Variants in ZFR observed in about 807,000 individuals in gnomAD.
ZFR encodes the protein zinc finger RNA binding protein.
A neutral mutation model predicts 130.7 loss-of-function variants in ZFR; 19 were observed. The observed-to-expected ratio is 0.15, with a 90% CI of 0.10 to 0.21. The LOEUF is 0.21. Ranked by LOEUF, ZFR falls within the 10% of genes least tolerant of loss-of-function variation. The pLI, the probability that ZFR is intolerant of heterozygous loss-of-function variation, is 1.00. For missense variants in ZFR, 872 were observed against 1,321.5 expected, an observed-to-expected ratio of 0.66 and a Z score of 5.27; for synonymous variants, 466 against 456.9, an observed-to-expected ratio of 1.02 and a Z score of -0.25.
intron 15 of ZFR, among the ~76,000 whole-genome samples, chr5:32,383,188 A>G (rs1334788391): frequency 6.6e-6 from 1 of 152,234 alleles, no homozygotes; most frequent in East Asian, 1.9e-4. Flanking sequence ...CAAAACAGCC[A>G]CACAAAGGAC....
At chr5:32,379,420 C>T in intron 16 of ZFR, 1 of 556,320 alleles carries the variant, frequency 1.8e-6, no homozygotes, top group Non-Finnish European at 3.2e-6. Context: ...TCAAAGTAAA[C>T]AGATTATACA....
intron 2 of ZFR, among the ~76,000 whole-genome samples, chr5:32,427,424 A>G (rs1037211677): frequency 2.0e-5 from 3 of 151,786 alleles, no homozygotes; most frequent in Non-Finnish European, 4.4e-5. Flanking sequence ...AACCTTACGA[A>G]TAAACCTAGC....
At chr5:32,369,066 T>C (rs1752605673) in intron 17 of ZFR, among the ~76,000 whole-genome samples, 1 of 152,200 alleles carries the variant, frequency 6.6e-6, no homozygotes, top group African/African-American at 2.4e-5. Flanking sequence ...TATGAAAGTC[T>C]TAATAAAAAT....
chr5:32,417,638 G>T lies in ZFR; in HGVS notation c.565+10C>A, dbSNP rs1418038844. 4.3e-6 allele frequency: 7 copies of T among 1,611,540 alleles called. No individual in the cohort carries two copies. Among genetic ancestry groups the T allele is most frequent in the Middle Eastern group, 3.3e-4 (2 of 6,078 alleles). On this transcript the variant is annotated intron_variant, in intron 4 of 19. Coordinates refer to ENST00000265069, the MANE Select transcript of ZFR (RefSeq NM_016107.5). Reference sequence around the variant, plus strand: ...TTTACAAAGAAACTCTGTAGGTTAAGAAAACCCACCTGTCTGATAGTAAGT... The same window carrying T: ...TTTACAAAGAAACTCTGTAGGTTAATAAAACCCACCTGTCTGATAGTAAGT...
At chr5:32,437,349 G>T (rs1051998460) in intron 2 of ZFR, among the ~76,000 whole-genome samples, 1 of 151,924 alleles carries the variant, frequency 6.6e-6, no homozygotes, top group African/African-American at 2.4e-5. Flanking sequence ...TTAAATAAGT[G>T]AATTATTCCC....
At chr5:32,444,457 G>C (rs991970026) in intron 1 of ZFR, 129 bp from the exon 2 acceptor site, 36 of 1,290,466 alleles carry the variant, frequency 2.8e-5, no homozygotes, top group South Asian at 2.3e-4. Flanking sequence ...CCCAGGCCGC[G>C]GCCGCGCCGC....
chr5:32,430,866 A>C (rs907230059), intron 2 of ZFR, among the ~76,000 whole-genome samples: 1 of 152,196 alleles, frequency 6.6e-6, no homozygotes, highest in South Asian at 2.1e-4. Flanking sequence ...TCTTGAGTCC[A>C]GGAGTTTGAG....
At chr5:32,379,049 G>A in intron 17 of ZFR, 66 bp downstream of exon 17, 1 of 1,210,604 alleles carries the variant, frequency 8.3e-7, no homozygotes, top group Non-Finnish European at 1.2e-6. Context: ...CATGTAAACT[G>A]AGAGGATAAA....
chr5:32,384,870 A>G (rs1214695530), intron 15 of ZFR, among the ~76,000 whole-genome samples: 4 of 152,162 alleles, frequency 2.6e-5, no homozygotes, highest in Admixed American at 6.5e-5. Context: ...CTCACTATCT[A>G]CATTTACACA....
In ZFR at chr5:32,385,539, T is replaced by C. The variant is rs1440661801; in HGVS notation, c.2610A>G (p.Pro870=). ...KMQVTITLTS[P]IIREENMREG... is the part of the protein sequence containing the mutation. ...CCCTCATGTTCTCTTCTCGAATAATTGGAGATGTCAGTGTGATAGTGACTT... is the reference window on the plus strand; with the variant it reads ...CCCTCATGTTCTCTTCTCGAATAATCGGAGATGTCAGTGTGATAGTGACTT... Residue 870 remains proline, a synonymous_variant, in exon 15 of 20, where the codon CCA becomes CCG. Coordinates refer to ENST00000265069, the MANE Select transcript of ZFR (RefSeq NM_016107.5). 2 of 1,613,386 alleles carry C rather than the reference T, an allele frequency of 1.2e-6. No individual in the cohort carries two copies. The highest frequency in any genetic ancestry group is 1.7e-6 in the Non-Finnish European group (2 of 1,179,478).
intron 2 of ZFR, among the ~76,000 whole-genome samples, chr5:32,426,764 A>G (rs892728539): frequency 1.6e-4 from 24 of 152,136 alleles, no homozygotes; most frequent in Admixed American, 8.5e-4. Flanking sequence ...TTAGCCATAC[A>G]TGCTGGCATG....
intron 13 of ZFR, 32 bp from the exon 14 acceptor site, chr5:32,387,731 T>C: frequency 6.3e-7 from 1 of 1,580,834 alleles, no homozygotes; most frequent in Non-Finnish European, 8.6e-7. Flanking sequence ...TTATGATATT[T>C]CTCTGCTTAA....
Position 32,406,957 on chromosome 5 carries a change from C to T in ZFR, c.849G>A (p.Gln283=), listed in dbSNP as rs1036588074. 9 of 1,595,560 alleles carry T rather than the reference C, an allele frequency of 5.6e-6. No individual in the cohort carries two copies. Among genetic ancestry groups the T allele is most frequent in the Non-Finnish European group, 7.7e-6 (9 of 1,175,372 alleles). ...CTGCTGCCTGCTTCTGTTGCTGCTG[C>T]TGCTGTTGATAGTAGGAAGATGCAG... ...YSAASSYYQQ[Q]QQQQKQAAAA... The change falls in exon 6 of 20, where the codon CAG becomes CAA. Residue 283 remains glutamine (Q), a synonymous_variant. Coordinates refer to ENST00000265069, the MANE Select transcript of ZFR (RefSeq NM_016107.5).
rs139553517 is a variant in ZFR at position 32,443,024 on chromosome 5, TTCTC to T, written c.137+1201_137+1204del. Reference sequence around the variant, plus strand: ...GATCAGCCTGGGCAACATAGGTCCTTTCTCTCTAAGAAAAATTATTTATTCAAAA... The same window carrying T: ...GATCAGCCTGGGCAACATAGGTCCTTTCTAAGAAAAATTATTTATTCAAAA... On this transcript the variant is annotated intron_variant, in intron 2 of 19. Transcript: ENST00000265069. Among the ~76,000 whole-genome samples the T allele has an allele frequency of 5.4e-3, 815 of 152,084 alleles. 11 individuals carry two copies. Among genetic ancestry groups the T allele is most frequent in the African/African-American group, 0.019 (768 of 41,438 alleles).
rs1561850313 is a variant in ZFR, at chr5:32,355,467, A to G, written c.*293T>C. On this transcript the variant is annotated 3_prime_UTR_variant, in exon 20 of 20. Coordinates refer to ENST00000265069, the MANE Select transcript of ZFR (RefSeq NM_016107.5). ...AATAAGACAATGCACTAGTTAATAA[A>G]AGACACAAAAATAGGGGGGGAAGCT... is the stretch of plus-strand genomic sequence containing the variant. 4.8e-6 allele frequency: 1 copy of G among 210,336 alleles called. No individual in the cohort carries two copies. The highest frequency in any genetic ancestry group is 2.3e-5 in the African/African-American group (1 of 43,500). The allele number at this position is 210,336 out of a possible 1,614,324, so 13.0% of individuals were successfully genotyped here. A position where few individuals can be genotyped will look rare whatever the true frequency, so the allele number is the denominator to read the frequency against.
chr5:32,401,511 A>G (rs115059124), intron 8 of ZFR, among the ~76,000 whole-genome samples: 1,813 of 152,322 alleles, frequency 0.012, 33 homozygotes, highest in African/African-American at 0.041. Flanking sequence ...TAGCATGTAC[A>G]TAAAAGCACA....
At chr5:32,365,814 G>C (rs1188977402) in intron 17 of ZFR, among the ~76,000 whole-genome samples, 1 of 152,086 alleles carries the variant, frequency 6.6e-6, no homozygotes, top group African/African-American at 2.4e-5. Flanking sequence ...TGTCCAGGCT[G>C]GTTTTGAACT....
intron 9 of ZFR, among the ~76,000 whole-genome samples, chr5:32,397,580 A>G (rs529076286): frequency 2.0e-5 from 3 of 152,156 alleles, no homozygotes; most frequent in East Asian, 1.9e-4. Flanking sequence ...CAGCCACCCA[A>G]GTAGCTGGGA....
At chr5:32,370,351 G>GAGAGAGAGAGAGAC (rs1240679335) in intron 17 of ZFR, among the ~76,000 whole-genome samples, 1 of 1,666 alleles carries the variant, frequency 6.0e-4, no homozygotes, top group Admixed American at 4.8e-3. Flanking sequence ...GAGAGAGAGA[G>GAGAGAGAGAGAGAC]AGACAGACAG....
Sources: gnomAD v4.1 joint callset for allele counts (sites outside exome capture counted in the v4.1 genomes callset) on GRCh38, gnomAD v4.1.1 for gene constraint, MANE v1.5 for transcripts, NCBI Gene and HGNC (gene_info 2026-07-23, HGNC 2026-07-21) for gene names.